Variants in FLYWCH1 observed in about 807,000 individuals in gnomAD.
FLYWCH1 encodes FLYWCH-type zinc finger 1, also known as FLYWCH-type zinc finger-containing protein 1.
A neutral mutation model predicts 66.4 loss-of-function variants in FLYWCH1; 75 were observed. The ratio of observed to expected loss-of-function variants is 1.13; its 90% CI spans 0.94 to 1.37. The LOEUF (loss-of-function observed/expected upper bound fraction) is 1.37. FLYWCH1 is among the 40% of genes most tolerant of loss of function. The probability of loss-of-function intolerance (pLI) is 0.00; values close to 1 mark genes in which losing one functional copy is unlikely to be tolerated. For missense variants in FLYWCH1, 1,334 were observed against 1,001.8 expected, an observed-to-expected ratio of 1.33 and a Z score of -4.48; for synonymous variants, 595 against 429.9, an observed-to-expected ratio of 1.38 and a Z score of -4.75.
intron 9 of FLYWCH1, among the ~76,000 whole-genome samples, chr16:2,944,375 CAA>C (rs2071394054): frequency 1.7e-5 from 2 of 118,368 alleles, no homozygotes; most frequent in South Asian, 2.6e-4. Context: ...GCCTGGGTGA[CAA>C]GAGTGAAACT....
chr16:2,918,226 C>T (rs2070241906), intron 2 of FLYWCH1, among the ~76,000 whole-genome samples: 1 of 146,704 alleles, frequency 6.8e-6, no homozygotes, highest in Admixed American at 6.9e-5. Flanking sequence ...CGGCTCACTG[C>T]AAGCTCCGCC....
intron 2 of FLYWCH1, among the ~76,000 whole-genome samples, chr16:2,921,622 C>T (rs995232164): frequency 6.6e-6 from 1 of 152,050 alleles, no homozygotes; most frequent in Non-Finnish European, 1.5e-5. Flanking sequence ...ATTAGCCGGG[C>T]ATGGTAGTGT....
In FLYWCH1 at chr16:2,933,235, A is replaced by G; in HGVS notation, c.902A>G (p.Tyr301Cys). 1 of 1,613,374 alleles carries G rather than the reference A, an allele frequency of 6.2e-7. No individual in the cohort carries two copies. The highest frequency in any genetic ancestry group is 8.5e-7 in the Non-Finnish European group (1 of 1,179,768). The stretch of plus-strand genomic sequence containing the variant: ...GAGAAGGCTGTCGGGGACAAGGTGT[A>G]TTGGACCTGCCGGGACCACGCGCTG... ...KREKAVGDKV[Y>C]WTCRDHALHG... Residue 301 changes from tyrosine (Y) to cysteine (C), a missense_variant, in exon 5 of 10, where the codon TAT becomes TGT. By Grantham distance (194) the Tyr-to-Cys change is radical. Transcript: ENST00000253928.
intron 8 of FLYWCH1, among the ~76,000 whole-genome samples, chr16:2,939,468 A>G (rs2071167589): frequency 7.0e-6 from 1 of 142,530 alleles, no homozygotes; most frequent in African/African-American, 2.5e-5. Context: ...AAAAAAGAGA[A>G]GAAAAGAAAA....
chr16:2,919,358 T>C (rs564691468), intron 2 of FLYWCH1, among the ~76,000 whole-genome samples: 83 of 151,610 alleles, frequency 5.5e-4, no homozygotes, highest in Non-Finnish European at 2.5e-4. Flanking sequence ...CTCTGCCCCC[T>C]GGGTTCAAGC....
At chr16:2,923,438 G>T (rs1188466822) in intron 2 of FLYWCH1, among the ~76,000 whole-genome samples, 3 of 152,090 alleles carry the variant, frequency 2.0e-5, no homozygotes, top group Non-Finnish European at 4.4e-5. Flanking sequence ...GTAGAGACGG[G>T]CTTGCCTATG....
At chr16:2,936,522 G>A (rs2071008805) in intron 6 of FLYWCH1, 1 of 451,894 alleles carries the variant, frequency 2.2e-6, no homozygotes, top group African/African-American at 2.0e-5. Context: ...CACCCGATGT[G>A]TCCACGATGC....
chr16:2,939,094 T>G (rs1168013956), intron 8 of FLYWCH1, among the ~76,000 whole-genome samples: 1 of 152,128 alleles, frequency 6.6e-6, no homozygotes, highest in Non-Finnish European at 1.5e-5. Flanking sequence ...TTAGAAAGCA[T>G]TGTGTGTCTC....
chr16:2,937,655 C>T (rs560554813), intron 7 of FLYWCH1, among the ~76,000 whole-genome samples: 2 of 152,256 alleles, frequency 1.3e-5, no homozygotes, highest in Admixed American at 6.5e-5. Context: ...TTGGCAGCCA[C>T]AGAGAGTGCT....
At position 2,930,031 on chromosome 16, in the gene FLYWCH1, C is replaced by G. The variant is rs1487717644; in HGVS notation, c.325+21C>G. 7.6e-6 allele frequency: 12 copies of G among 1,586,784 alleles called. No individual in the cohort carries two copies. In the African/African-American group the frequency reaches 1.6e-4, roughly 21 times the overall value. On this transcript the variant is annotated intron_variant, in intron 3 of 9. Coordinates refer to ENST00000253928, the MANE Select transcript of FLYWCH1 (RefSeq NM_001308068.2). The stretch of plus-strand genomic sequence containing the variant: ...TGCAGGTGAGGTGTGGCTTCCCGCC[C>G]CTGCCCAGCCACCCCGTGGGTTCCA...
At chr16:2,925,582 G>GA (rs2070534308) in intron 2 of FLYWCH1, among the ~76,000 whole-genome samples, 1 of 67,458 alleles carries the variant, frequency 1.5e-5, no homozygotes, top group Non-Finnish European at 2.7e-5. Flanking sequence ...TGCGGGGGGA[G>GA]GGGGGTACGG....
chr16:2,925,284 G>A (rs2070518563), intron 2 of FLYWCH1, among the ~76,000 whole-genome samples: 1 of 152,176 alleles, frequency 6.6e-6, no homozygotes, highest in Admixed American at 6.5e-5. Flanking sequence ...CGGGACCTGG[G>A]CTGGGGGGAC....
intron 9 of FLYWCH1, among the ~76,000 whole-genome samples, chr16:2,946,885 A>G (rs530364652): frequency 6.6e-6 from 1 of 152,218 alleles, no homozygotes; most frequent in East Asian, 1.9e-4. Flanking sequence ...TGGAACCCTC[A>G]TACTCTCTTG....
intron 2 of FLYWCH1, among the ~76,000 whole-genome samples, chr16:2,925,006 C>G (rs1407659830): frequency 6.6e-6 from 1 of 152,214 alleles, no homozygotes; most frequent in Non-Finnish European, 1.5e-5. Context: ...AAGCTTGACG[C>G]AGTCCCCACC....
At chr16:2,932,538 G>A (rs952208317) in intron 4 of FLYWCH1, among the ~76,000 whole-genome samples, 2 of 152,114 alleles carry the variant, frequency 1.3e-5, no homozygotes, top group African/African-American at 4.8e-5. Flanking sequence ...GTTCGAGGAG[G>A]CCACGTGGCT....
chr16:2,928,587 T>C (rs1362724090), intron 2 of FLYWCH1, among the ~76,000 whole-genome samples: 1 of 152,144 alleles, frequency 6.6e-6, no homozygotes. Context: ...GAGCACAGGG[T>C]TGGGGTTAAA....
intron 9 of FLYWCH1, among the ~76,000 whole-genome samples, chr16:2,942,890 CG>C (rs966895179): frequency 1.3e-4 from 19 of 151,662 alleles, no homozygotes; most frequent in African/African-American, 4.6e-4. Flanking sequence ...TTAGTGGAGA[CG>C]GGGTTTCGCT....
chr16:2,931,916 A>C (rs1370686032), intron 4 of FLYWCH1, among the ~76,000 whole-genome samples: 4 of 152,156 alleles, frequency 2.6e-5, no homozygotes, highest in Non-Finnish European at 5.9e-5. Context: ...GATTGAGACC[A>C]TCCTGGCTAA....
chr16:2,919,411 A>G (rs1480583590), intron 2 of FLYWCH1, among the ~76,000 whole-genome samples: 1 of 151,404 alleles, frequency 6.6e-6, no homozygotes, highest in Non-Finnish European at 1.5e-5. Flanking sequence ...GATTACAGGC[A>G]TGCGCCACCA....
Sources: allele counts gnomAD v4.1 joint callset (sites outside exome capture counted in the v4.1 genomes callset), GRCh38; gene constraint gnomAD v4.1.1; transcripts MANE v1.5; gene names NCBI Gene and HGNC (gene_info 2026-07-23, HGNC 2026-07-21).